The following ABCA13 variants were observed in gnomAD, a reference collection of about 807,000 sequenced individuals.
ABCA13 encodes ATP-binding cassette sub-family A member 13.
In ABCA13, 476 loss-of-function variants were observed where a neutral mutation model predicts 478.7. The ratio of observed to expected loss-of-function variants is 0.99; its 90% CI spans 0.92 to 1.07. The LOEUF (loss-of-function observed/expected upper bound fraction) is 1.07. Among genes scored for constraint, ABCA13 ranks in the 50% least tolerant of loss-of-function variants. The pLI, the probability that ABCA13 is intolerant of heterozygous loss-of-function variation, is 0.00. For missense variants in ABCA13, 6,060 were observed against 5,910.6 expected (o/e 1.03, Z -0.83); for synonymous variants, 2,252 against 2,158.9 (o/e 1.04, Z -1.20).
intron 56 of ABCA13, among the ~76,000 whole-genome samples, chr7:48,585,127 C>T (rs887555223): frequency 3.9e-5 from 6 of 152,128 alleles, no homozygotes; most frequent in Non-Finnish European, 8.8e-5. Context: ...CCTGAAATGC[C>T]AGGCATTTAT....
chr7:48,488,238 T>G (rs1445487933), intron 47 of ABCA13, among the ~76,000 whole-genome samples: 3 of 139,838 alleles, frequency 2.1e-5, no homozygotes, highest in Non-Finnish European at 3.2e-5. Flanking sequence ...AGGGTTTTGT[T>G]TTTTTTTTTT....
intron 45 of ABCA13, among the ~76,000 whole-genome samples, chr7:48,475,411 A>T (rs1827970483): frequency 6.6e-6 from 1 of 151,004 alleles, no homozygotes; most frequent in African/African-American, 2.4e-5. Flanking sequence ...CCTTAAATAC[A>T]TGTGTGCTAT....
At position 48,298,463 on chromosome 7, in the gene ABCA13, A is replaced by G; in HGVS notation, c.9297A>G (p.Leu3099=). 1.2e-6 allele frequency: 2 copies of G among 1,613,260 alleles called. No homozygotes were observed. The highest frequency in any genetic ancestry group is 1.1e-5 in the South Asian group (1 of 90,774). ...QISNETIHSI[L]EANISHSKVL... Reference sequence around the variant, plus strand: ...CGAATGAGACTATCCATAGCATTCTAGAAGCAAATATTTCCCACTCCAAGG... The same window carrying G: ...CGAATGAGACTATCCATAGCATTCTGGAAGCAAATATTTCCCACTCCAAGG... The change falls in exon 23 of 62, where the codon CTA becomes CTG. Residue 3099 remains leucine, a synonymous_variant. Transcript: ENST00000435803.
At chr7:48,197,139 G>A (rs1371841389) in intron 2 of ABCA13, among the ~76,000 whole-genome samples, 1 of 152,194 alleles carries the variant, frequency 6.6e-6, no homozygotes, top group Non-Finnish European at 1.5e-5. Flanking sequence ...TATGGTTTGG[G>A]CAGGCTGCAC....
intron 27 of ABCA13, among the ~76,000 whole-genome samples, chr7:48,334,028 C>T (rs1805819942): frequency 1.3e-5 from 2 of 152,132 alleles, no homozygotes; most frequent in African/African-American, 4.8e-5. Context: ...TGGAAGGACT[C>T]CTGGTCCCTC....
At chr7:48,206,334 G>A (rs1784914476) in intron 3 of ABCA13, among the ~76,000 whole-genome samples, 1 of 152,132 alleles carries the variant, frequency 6.6e-6, no homozygotes, top group African/African-American at 2.4e-5. Flanking sequence ...TATTACAACT[G>A]CCTACAGTAT....
intron 54 of ABCA13, among the ~76,000 whole-genome samples, chr7:48,526,366 G>C (rs1455288886): frequency 6.6e-6 from 1 of 152,094 alleles, no homozygotes; most frequent in Non-Finnish European, 1.5e-5. Context: ...TGATGCTCCA[G>C]GTATCTTAAA....
At chr7:48,260,688 C>T (rs999404500) in intron 15 of ABCA13, among the ~76,000 whole-genome samples, 8 of 151,896 alleles carry the variant, frequency 5.3e-5, no homozygotes, top group South Asian at 4.1e-4. Flanking sequence ...ATGGTAAAAA[C>T]GTTAGATGGT....
intron 19 of ABCA13, among the ~76,000 whole-genome samples, chr7:48,284,046 T>C (rs1797397659): frequency 6.6e-6 from 1 of 152,218 alleles, no homozygotes; most frequent in South Asian, 2.1e-4. Flanking sequence ...GTCCTGCAAG[T>C]TGAAGATGCA....
chr7:48,392,217 T>C, intron 38 of ABCA13, 78 bp downstream of exon 38: 1 of 1,345,004 alleles, frequency 7.4e-7, no homozygotes, highest in Non-Finnish European at 1.0e-6. Flanking sequence ...AAAGAGACAC[T>C]TAAAAAATCA....
intron 42 of ABCA13, among the ~76,000 whole-genome samples, chr7:48,435,769 GA>G (rs1368015661): frequency 1.3e-5 from 2 of 151,628 alleles, no homozygotes; most frequent in Non-Finnish European, 3.0e-5. Flanking sequence ...CAATTGAAAT[GA>G]CCATAGGTTT....
At chr7:48,620,651 C>T (rs2131590566) in intron 59 of ABCA13, among the ~76,000 whole-genome samples, 1 of 152,310 alleles carries the variant, frequency 6.6e-6, no homozygotes, top group East Asian at 1.9e-4. Context: ...ACATGGAACA[C>T]ACTAGGAAAC....
chr7:48,417,737 G>T (rs1820219905), intron 41 of ABCA13, among the ~76,000 whole-genome samples: 1 of 152,106 alleles, frequency 6.6e-6, no homozygotes, highest in Admixed American at 6.5e-5. Flanking sequence ...CATTCCATGG[G>T]TTTGGATGAG....
At chr7:48,318,999 A>G (rs1291719168) in intron 27 of ABCA13, among the ~76,000 whole-genome samples, 2 of 152,202 alleles carry the variant, frequency 1.3e-5, no homozygotes, top group Admixed American at 6.5e-5. Context: ...AGCTGAAGAA[A>G]TAAGTTAGAT....
chr7:48,269,215 T>A (rs1458084169), intron 16 of ABCA13, 121 bp downstream of exon 16: 9 of 601,894 alleles, frequency 1.5e-5, no homozygotes, highest in Middle Eastern at 3.1e-4. Flanking sequence ...ATTGACACAA[T>A]CTTTCATATG....
chr7:48,368,148 T>C (rs1054375368), intron 32 of ABCA13, among the ~76,000 whole-genome samples: 5 of 152,110 alleles, frequency 3.3e-5, no homozygotes, highest in African/African-American at 1.2e-4. Context: ...CCACATGAGA[T>C]TGCAAGAACA....
Position 48,513,802 on chromosome 7 carries a change from T to TA in ABCA13, c.13640+2604dup, listed in dbSNP as rs532909196. 8.5e-5 allele frequency among the ~76,000 whole-genome samples: 13 copies of TA among 152,322 alleles called. No individual in the cohort carries two copies. In the South Asian group the frequency reaches 2.7e-3, roughly 32 times the overall value. ...TAAAATAGGAGACGGGAGCTGCTAATACGTTAATTTGAGCCAAGTATTTTA... is the reference window on the plus strand; with the variant it reads ...TAAAATAGGAGACGGGAGCTGCTAATAACGTTAATTTGAGCCAAGTATTTTA... On this transcript the variant is annotated intron_variant, in intron 51 of 61. Transcript: ENST00000435803.
At chr7:48,608,359 G>A (rs1479890941) in intron 58 of ABCA13, among the ~76,000 whole-genome samples, 1 of 152,230 alleles carries the variant, frequency 6.6e-6, no homozygotes, top group African/African-American at 2.4e-5. Flanking sequence ...TTTCATGTTA[G>A]CCTAACTTTA....
chr7:48,194,597 T>C lies in ABCA13; in HGVS notation c.163+1545T>C, dbSNP rs192316908. Among the ~76,000 whole-genome samples, 186 of 152,308 alleles carry C rather than the reference T, an allele frequency of 1.2e-3. 2 individuals are homozygous for C. The highest frequency in any genetic ancestry group is 4.1e-3 in the African/African-American group (171 of 41,574). On this transcript the variant is annotated intron_variant, in intron 2 of 61. Coordinates refer to ENST00000435803, the MANE Select transcript of ABCA13 (RefSeq NM_152701.5). ...GAGAAATAGTGGCCTGCTTTGTCTCTATCAGGCTATACCACTTAAATATGT... is the reference window on the plus strand; with the variant it reads ...GAGAAATAGTGGCCTGCTTTGTCTCCATCAGGCTATACCACTTAAATATGT...
Sources: allele counts gnomAD v4.1 joint callset (sites outside exome capture counted in the v4.1 genomes callset), GRCh38; gene constraint gnomAD v4.1.1; transcripts MANE v1.5; gene names NCBI Gene and HGNC (gene_info 2026-07-23, HGNC 2026-07-21).